The following CNTNAP2 variants were observed in gnomAD, a reference collection of about 807,000 sequenced individuals.
The protein encoded by CNTNAP2 is contactin-associated protein-like 2.
Under a neutral mutation model 155.2 loss-of-function variants are expected in CNTNAP2, and 98 were observed. That is an observed-to-expected ratio of 0.63 (90% CI 0.54 to 0.75). CNTNAP2 has a LOEUF of 0.75. Ranked by LOEUF, CNTNAP2 falls within the 30% of genes least tolerant of loss-of-function variation. The probability of loss-of-function intolerance (pLI) is 0.00; values close to 1 mark genes in which losing one functional copy is unlikely to be tolerated. For missense variants in CNTNAP2, 1,727 were observed against 1,688.1 expected, an observed-to-expected ratio of 1.02 and a Z score of -0.40; for synonymous variants, 651 against 631.2, an observed-to-expected ratio of 1.03 and a Z score of -0.47.
intron 15 of CNTNAP2, among the ~76,000 whole-genome samples, chr7:148,027,801 T>G (rs1316230942): frequency 1.3e-5 from 2 of 152,202 alleles, no homozygotes; most frequent in African/African-American, 4.8e-5. Flanking sequence ...GTTGACTGCT[T>G]CATATCAGTT....
intron 1 of CNTNAP2, among the ~76,000 whole-genome samples, chr7:146,368,501 G>C (rs1263099655): frequency 6.6e-6 from 1 of 152,050 alleles, no homozygotes; most frequent in Non-Finnish European, 1.5e-5. Context: ...CTATCCCTTT[G>C]ATACTGATCA....
rs185085879 is a variant in CNTNAP2 at position 148,163,048 on chromosome 7, G to A, written c.2774-9194G>A. 2.6e-5 allele frequency among the ~76,000 whole-genome samples: 4 copies of A among 152,290 alleles called. No individual in the cohort carries two copies. The East Asian group carries it at 7.7e-4, about 29-fold the overall frequency. On this transcript the variant is annotated intron_variant, in intron 17 of 23. Coordinates refer to ENST00000361727, the MANE Select transcript of CNTNAP2 (RefSeq NM_014141.6). ...TGTTCTGGCAGGTGGTAAATGTCTTGCCTCAGGTATTAATCACTCTATCAG... is the reference window on the plus strand; with the variant it reads ...TGTTCTGGCAGGTGGTAAATGTCTTACCTCAGGTATTAATCACTCTATCAG...
intron 13 of CNTNAP2, among the ~76,000 whole-genome samples, chr7:147,859,300 A>T (rs1799097778): frequency 6.6e-6 from 1 of 152,102 alleles, no homozygotes; most frequent in Non-Finnish European, 1.5e-5. Flanking sequence ...GTTATGTTAC[A>T]TAGTAATTTG....
At position 147,140,863 on chromosome 7, in the gene CNTNAP2, C is replaced by G. The variant is rs1165289326; in HGVS notation, c.1348+8354C>G. ...CTCATTGGTAGTTATCAGGCAACTT[C>G]TCTTTTGTGCTCCCTCAGATCTGCT... On this transcript the variant is annotated intron_variant, in intron 8 of 23. Coordinates refer to ENST00000361727, the MANE Select transcript of CNTNAP2 (RefSeq NM_014141.6). Among the ~76,000 whole-genome samples, 6 of 152,104 alleles carry G rather than the reference C, an allele frequency of 3.9e-5. No individual in the cohort carries two copies. In the East Asian group the frequency reaches 1.2e-3, roughly 30 times the overall value.
intron 1 of CNTNAP2, among the ~76,000 whole-genome samples, chr7:146,222,813 G>C (rs925349394): frequency 6.6e-6 from 1 of 151,384 alleles, no homozygotes; most frequent in Non-Finnish European, 1.5e-5. Context: ...CCGCCACCAC[G>C]CCCAGCTAAT....
intron 19 of CNTNAP2, among the ~76,000 whole-genome samples, chr7:148,227,884 C>CGTGTGTGTGTGT (rs3057282): frequency 2.9e-4 from 38 of 131,494 alleles, no homozygotes; most frequent in South Asian, 5.6e-4. Context: ...AAGAGCACAG[C>CGTGTGTGTGTGT]GTGTGTGTGT....
At chr7:148,366,396 CTT>C (rs1382318534) in intron 21 of CNTNAP2, among the ~76,000 whole-genome samples, 6 of 152,090 alleles carry the variant, frequency 3.9e-5, no homozygotes, top group South Asian at 2.1e-4. Flanking sequence ...GGTAGAAACT[CTT>C]TTTCACTATT....
At chr7:147,355,750 T>C (rs1002952940) in intron 9 of CNTNAP2, among the ~76,000 whole-genome samples, 5 of 152,006 alleles carry the variant, frequency 3.3e-5, no homozygotes, top group African/African-American at 1.2e-4. Context: ...AGAAGTCAAA[T>C]CCCTGAATAG....
chr7:146,189,294 G>A (rs1216298238), intron 1 of CNTNAP2, among the ~76,000 whole-genome samples: 1 of 152,074 alleles, frequency 6.6e-6, no homozygotes, highest in Non-Finnish European at 1.5e-5. Context: ...TGTGTACATA[G>A]TTAATGCTCA....
chr7:147,812,342 T>C (rs1053459663), intron 13 of CNTNAP2, among the ~76,000 whole-genome samples: 40 of 152,292 alleles, frequency 2.6e-4, no homozygotes, highest in Admixed American at 2.0e-4. Context: ...CAAAAATATG[T>C]ACTATTTGGT....
chr7:146,924,257 T>G (rs1796562097), intron 3 of CNTNAP2, among the ~76,000 whole-genome samples: 1 of 152,118 alleles, frequency 6.6e-6, no homozygotes, highest in African/African-American at 2.4e-5. Context: ...TTTTAAATTT[T>G]TATCTTTCTT....
At chr7:146,586,606 A>C (rs867092098) in intron 1 of CNTNAP2, among the ~76,000 whole-genome samples, 8 of 151,930 alleles carry the variant, frequency 5.3e-5, no homozygotes, top group African/African-American at 1.9e-4. Context: ...CATCAGATGT[A>C]TATTAATCAC....
At chr7:147,646,711 T>C (rs932356417) in intron 13 of CNTNAP2, among the ~76,000 whole-genome samples, 2 of 152,100 alleles carry the variant, frequency 1.3e-5, no homozygotes, top group African/African-American at 4.8e-5. Context: ...GCGCAGACAA[T>C]TAAATACTCC....
intron 14 of CNTNAP2, among the ~76,000 whole-genome samples, chr7:147,916,625 T>C (rs1466899188): frequency 6.7e-6 from 1 of 150,184 alleles, no homozygotes; most frequent in Non-Finnish European, 1.5e-5. Context: ...GTATTTCCCA[T>C]TAGTATTTCT....
At chr7:147,900,921 C>T (rs1356828446) in intron 13 of CNTNAP2, among the ~76,000 whole-genome samples, 3 of 152,216 alleles carry the variant, frequency 2.0e-5, no homozygotes, top group Admixed American at 2.0e-4. Context: ...GAGAACCAGA[C>T]TTCTACAATC....
intron 8 of CNTNAP2, among the ~76,000 whole-genome samples, chr7:147,272,664 A>ATTTTTTTTTTTTTTT (rs71182188): frequency 2.9e-5 from 4 of 138,970 alleles, no homozygotes; most frequent in Admixed American, 7.1e-5. Context: ...CGCCCGGCTA[A>ATTTTTTTTTTTTTTT]TTTTTTTTTT....
chr7:147,943,089 C>T (rs554038643), intron 14 of CNTNAP2, among the ~76,000 whole-genome samples: 1 of 151,998 alleles, frequency 6.6e-6, no homozygotes, highest in Non-Finnish European at 1.5e-5. Flanking sequence ...ACCCTACCTT[C>T]CCCTGAATTT....
At chr7:148,257,853 A>G (rs571226647) in intron 20 of CNTNAP2, among the ~76,000 whole-genome samples, 2 of 152,302 alleles carry the variant, frequency 1.3e-5, no homozygotes, top group African/African-American at 2.4e-5. Flanking sequence ...CCACTGAGTC[A>G]TTCACAGAGA....
intron 12 of CNTNAP2, among the ~76,000 whole-genome samples, chr7:147,616,046 A>G (rs563355233): frequency 2.1e-4 from 32 of 152,058 alleles, no homozygotes; most frequent in African/African-American, 7.5e-4. Context: ...AATTCTCACA[A>G]TAATCCTTGT....
Sources: gnomAD v4.1 joint callset for allele counts (sites outside exome capture counted in the v4.1 genomes callset) on GRCh38, gnomAD v4.1.1 for gene constraint, MANE v1.5 for transcripts, NCBI Gene and HGNC (gene_info 2026-07-23, HGNC 2026-07-21) for gene names.